The following KCNB2 variants were observed in gnomAD, a reference collection of about 807,000 sequenced individuals.
The protein encoded by KCNB2 is delayed rectifier potassium channel protein.
In KCNB2, 15 loss-of-function variants were observed where a neutral mutation model predicts 61.5. That is an observed-to-expected ratio of 0.24 (90% CI 0.16 to 0.38). KCNB2 has a LOEUF of 0.38. KCNB2 is among the 10% of genes least tolerant of loss of function. KCNB2 has a pLI of 1.00. For synonymous variants in KCNB2, 457 were observed against 446.0 expected, an observed-to-expected ratio of 1.02 and a Z score of -0.31; for missense variants, 828 against 1,125.2, an observed-to-expected ratio of 0.74 and a Z score of 3.78.
At chr8:72,781,960 GC>G (rs963040937) in intron 2 of KCNB2, among the ~76,000 whole-genome samples, 8 of 151,868 alleles carry the variant, frequency 5.3e-5, no homozygotes, top group African/African-American at 1.7e-4. Flanking sequence ...GGAATCTGTG[GC>G]AGCTGGGGAG....
chr8:72,911,339 G>A (rs1257830477), intron 2 of KCNB2, among the ~76,000 whole-genome samples: 1 of 152,234 alleles, frequency 6.6e-6, no homozygotes, highest in Non-Finnish European at 1.5e-5. Flanking sequence ...CATGATCTGT[G>A]TTAGGGCCTT....
At position 72,775,999 on chromosome 8, in the gene KCNB2, C is replaced by A. The variant is rs369875665; in HGVS notation, c.580-159936C>A. On this transcript the variant is annotated intron_variant, in intron 2 of 2. Coordinates refer to ENST00000523207, the MANE Select transcript of KCNB2 (RefSeq NM_004770.3). The stretch of plus-strand genomic sequence containing the variant: ...CACAATAGCAAAGACTTGGAACCAA[C>A]CTAAATGTCCATCAGTGATAGACTG... Among the ~76,000 whole-genome samples the A allele has an allele frequency of 2.4e-4, 36 of 152,244 alleles. No individual in the cohort carries two copies. The East Asian group carries it at 5.0e-3, about 21-fold the overall frequency.
At chr8:72,653,070 T>A (rs1806237468) in intron 2 of KCNB2, among the ~76,000 whole-genome samples, 2 of 152,136 alleles carry the variant, frequency 1.3e-5, no homozygotes, top group African/African-American at 4.8e-5. Flanking sequence ...TCCCCTCCTC[T>A]CTGTGTCTGT....
At chr8:72,896,557 A>C (rs181280225) in intron 2 of KCNB2, among the ~76,000 whole-genome samples, 25 of 152,276 alleles carry the variant, frequency 1.6e-4, no homozygotes, top group African/African-American at 6.0e-4. Flanking sequence ...ATTTGTGCAG[A>C]TATGTGTCTG....
intron 1 of KCNB2, among the ~76,000 whole-genome samples, chr8:72,566,917 G>C (rs541200320): frequency 5.7e-4 from 87 of 152,106 alleles, no homozygotes; most frequent in African/African-American, 1.6e-3. Flanking sequence ...GAGGGTGACC[G>C]GGTATGGGGT....
At chr8:72,722,293 C>A (rs571631338) in intron 2 of KCNB2, among the ~76,000 whole-genome samples, 1 of 152,328 alleles carries the variant, frequency 6.6e-6, no homozygotes, top group South Asian at 2.1e-4. Context: ...AACTGTAAAT[C>A]TTACCTGCCA....
At chr8:72,550,904 G>A (rs1806336005) in intron 1 of KCNB2, among the ~76,000 whole-genome samples, 1 of 152,174 alleles carries the variant, frequency 6.6e-6, no homozygotes. Context: ...GACAGGCAGG[G>A]CTGACAGAGA....
At chr8:72,840,079 G>A (rs553629108) in intron 2 of KCNB2, among the ~76,000 whole-genome samples, 33 of 152,150 alleles carry the variant, frequency 2.2e-4, no homozygotes, top group African/African-American at 7.7e-4. Context: ...CCCTGCAACA[G>A]GCTCAGGTGT....
intron 2 of KCNB2, among the ~76,000 whole-genome samples, chr8:72,764,826 T>C (rs1837544): frequency 0.17 from 25,327 of 152,114 alleles, 2,305 homozygotes; most frequent in Non-Finnish European, 0.21. Context: ...TTTTCAGTGC[T>C]TTTCCACTCA....
At chr8:72,648,886 A>C (rs1368972268) in intron 2 of KCNB2, among the ~76,000 whole-genome samples, 3 of 152,128 alleles carry the variant, frequency 2.0e-5, no homozygotes, top group Non-Finnish European at 4.4e-5. Context: ...AATAGACAAT[A>C]TCTATAAAAT....
chr8:72,567,920 G>A lies in KCNB2; in HGVS notation c.186G>A (p.Gly62=). 6.2e-7 allele frequency: 1 copy of A among 1,613,920 alleles called. No individual in the cohort carries two copies. The highest frequency in any genetic ancestry group is 8.5e-7 in the Non-Finnish European group (1 of 1,179,938). ...ACAGGCTGCCCAGGACGCGCCTGGG[G>A]AAGCTTCGAGACTGCAACACACACG... ...TLDRLPRTRL[G]KLRDCNTHES... is the part of the protein sequence containing the mutation. The change falls in exon 2 of 3, where the codon GGG becomes GGA. Residue 62 remains glycine, a synonymous_variant. Transcript: ENST00000523207.
intron 2 of KCNB2, among the ~76,000 whole-genome samples, chr8:72,916,643 A>C (rs1047515415): frequency 1.3e-5 from 2 of 152,188 alleles, no homozygotes; most frequent in East Asian, 3.8e-4. Flanking sequence ...CCAAGTTCTT[A>C]TCTGGCATCC....
intron 2 of KCNB2, among the ~76,000 whole-genome samples, chr8:72,611,594 C>A (rs1055208404): frequency 6.6e-6 from 1 of 152,166 alleles, no homozygotes; most frequent in African/African-American, 2.4e-5. Flanking sequence ...TTTTTAGGAA[C>A]AGGAAGGCAG....
intron 2 of KCNB2, among the ~76,000 whole-genome samples, chr8:72,865,961 A>C (rs566688198): frequency 1.2e-4 from 18 of 152,292 alleles, no homozygotes; most frequent in African/African-American, 4.3e-4. Flanking sequence ...GAGGTCCACA[A>C]AGGCAGAGGC....
At position 72,923,855 on chromosome 8, in the gene KCNB2, T is replaced by C. The variant is rs1006858646; in HGVS notation, c.580-12080T>C. 2.5e-4 allele frequency among the ~76,000 whole-genome samples: 38 copies of C among 152,324 alleles called. 1 individual carries two copies. The highest frequency in any genetic ancestry group is 8.7e-4 in the African/African-American group (36 of 41,570). On this transcript the variant is annotated intron_variant, in intron 2 of 2. Coordinates refer to ENST00000523207, the MANE Select transcript of KCNB2 (RefSeq NM_004770.3). ...TTCTGCCCAAACTCTTTAGTTCATT[T>C]ATCTTAAAAATGTAGTTAATTATCA...
intron 2 of KCNB2, among the ~76,000 whole-genome samples, chr8:72,727,741 G>A (rs1157984840): frequency 1.3e-5 from 2 of 152,112 alleles, no homozygotes; most frequent in Non-Finnish European, 1.5e-5. Context: ...TAAGTCACAA[G>A]GAGGATTAGA....
chr8:72,553,522 C>T (rs1050814440), intron 1 of KCNB2, among the ~76,000 whole-genome samples: 16 of 152,026 alleles, frequency 1.1e-4, no homozygotes, highest in African/African-American at 2.9e-4. Flanking sequence ...TTCATAAAAT[C>T]GTGATTATTA....
chr8:72,905,108 G>A (rs1446123093), intron 2 of KCNB2, among the ~76,000 whole-genome samples: 1 of 152,076 alleles, frequency 6.6e-6, no homozygotes, highest in Non-Finnish European at 1.5e-5. Flanking sequence ...TCTATCAAAT[G>A]GTTATGACCT....
intron 1 of KCNB2, among the ~76,000 whole-genome samples, chr8:72,552,332 C>T (rs1585747067): frequency 1.3e-5 from 2 of 152,254 alleles, no homozygotes; most frequent in Admixed American, 6.5e-5. Context: ...CCCAATAGAA[C>T]TTGATGTGAT....
Sources: gnomAD v4.1 joint callset for allele counts (sites outside exome capture counted in the v4.1 genomes callset) on GRCh38, gnomAD v4.1.1 for gene constraint, MANE v1.5 for transcripts, NCBI Gene and HGNC (gene_info 2026-07-23, HGNC 2026-07-21) for gene names.